FBXL4: variants seen among roughly 807,000 people sequenced by gnomAD.
FBXL4 encodes F-box/LRR-repeat protein 4.
In FBXL4, 40 loss-of-function variants were observed where a neutral mutation model predicts 58.9. The ratio of observed to expected loss-of-function variants is 0.68; its 90% CI spans 0.53 to 0.88. The LOEUF is 0.88. Among genes scored for constraint, FBXL4 ranks in the 40% least tolerant of loss-of-function variants. FBXL4 has a pLI of 0.00. For missense variants in FBXL4, 676 were observed against 734.4 expected (o/e 0.92, Z 0.92); for synonymous variants, 263 against 265.5 (o/e 0.99, Z 0.09).
intron 2 of FBXL4, among the ~76,000 whole-genome samples, chr6:98,934,058 A>G (rs926436346): frequency 2.6e-5 from 4 of 152,246 alleles, no homozygotes; most frequent in Non-Finnish European, 5.9e-5. Context: ...TTCTGTTAGT[A>G]CAAAAGCAGC....
At chr6:98,881,499 G>A (rs1320003904) in intron 7 of FBXL4, among the ~76,000 whole-genome samples, 1 of 151,874 alleles carries the variant, frequency 6.6e-6, no homozygotes, top group East Asian at 1.9e-4. Context: ...TACAACTTCT[G>A]TAAAAATCTG....
chr6:98,905,664 G>T lies in FBXL4; in HGVS notation c.865C>A (p.Gln289Lys). The T allele has an allele frequency of 1.2e-6, 2 of 1,613,294 alleles. No homozygotes were observed. Among genetic ancestry groups the T allele is most frequent in the South Asian group, 2.2e-5 (2 of 91,006 alleles). The stretch of plus-strand genomic sequence containing the variant: ...AGTGTAAGATGATTCAGAATCAGCT[G>T]AATAAGCTAAATAAGACAGAGAAAC... The part of the protein sequence containing the change: ...YFDKLPYELI[Q>K]LILNHLTLPD... The change falls in exon 6 of 10, where the codon CAG (glutamine) becomes AAG (lysine). Residue 289 changes from glutamine to lysine, a missense_variant. Gln to Lys is a moderately conservative substitution (Grantham distance 53). Coordinates refer to ENST00000369244, the MANE Select transcript of FBXL4 (RefSeq NM_001278716.2).
chr6:98,920,821 C>T (rs905928260), intron 4 of FBXL4, among the ~76,000 whole-genome samples: 2 of 82,150 alleles, frequency 2.4e-5, no homozygotes, highest in African/African-American at 1.4e-4. Flanking sequence ...CACACACATA[C>T]ACACACACAC....
chr6:98,914,720 T>A lies in FBXL4; in HGVS notation c.858+2654A>T, dbSNP rs535887972. ...AACCCACAGCCTATATCATACTGAATGCGCAAAAACTGGAAGCATTCCCTT... is the reference window on the plus strand; with the variant it reads ...AACCCACAGCCTATATCATACTGAAAGCGCAAAAACTGGAAGCATTCCCTT... On this transcript the variant is annotated intron_variant, in intron 5 of 9. Coordinates refer to ENST00000369244, the MANE Select transcript of FBXL4 (RefSeq NM_001278716.2). Among the ~76,000 whole-genome samples the A allele has an allele frequency of 7.9e-5, 12 of 152,304 alleles. No homozygotes were observed. In the South Asian group the frequency reaches 2.5e-3, roughly 32 times the overall value.
intron 8 of FBXL4, among the ~76,000 whole-genome samples, chr6:98,876,835 A>G (rs928665143): frequency 1.3e-5 from 2 of 152,204 alleles, no homozygotes; most frequent in African/African-American, 2.4e-5. Context: ...TGGAGGGCAG[A>G]GTCACGCAGT....
At chr6:98,895,995 G>T (rs1277014940) in intron 7 of FBXL4, among the ~76,000 whole-genome samples, 1 of 152,148 alleles carries the variant, frequency 6.6e-6, no homozygotes, top group East Asian at 1.9e-4. Context: ...GGAAAACAGG[G>T]TTAAAGTGGT....
chr6:98,876,632 A>G (rs1056306134), intron 8 of FBXL4, among the ~76,000 whole-genome samples: 5 of 152,228 alleles, frequency 3.3e-5, no homozygotes, highest in Middle Eastern at 3.2e-3. Flanking sequence ...CAGACTAATT[A>G]AGGAAAAAAT....
At chr6:98,900,827 T>C (rs1010781922) in intron 6 of FBXL4, among the ~76,000 whole-genome samples, 6 of 152,202 alleles carry the variant, frequency 3.9e-5, no homozygotes, top group Non-Finnish European at 8.8e-5. Flanking sequence ...ATTATTTGAT[T>C]TGTGACATTT....
In FBXL4 at chr6:98,926,545, G is replaced by A. The variant is rs1218401877; in HGVS notation, c.444C>T (p.Pro148=). ...AAGCGAGAATTCTAATGACTGCTCC[G>A]GGATGATAGGTTTCTAGAACATGTA... The part of the protein sequence containing the change: ...TAVHVLETYH[P]GAVIRILACS... The change falls in exon 4 of 10, where the codon CCC becomes CCT. Residue 148 remains proline (P), a synonymous_variant. Transcript: ENST00000369244. 22 of 1,613,964 alleles carry A rather than the reference G, an allele frequency of 1.4e-5. No homozygotes were observed. The highest frequency in any genetic ancestry group is 6.7e-5 in the East Asian group (3 of 44,886).
chr6:98,880,302 T>A (rs1770804939), intron 8 of FBXL4, among the ~76,000 whole-genome samples: 1 of 152,196 alleles, frequency 6.6e-6, no homozygotes, highest in South Asian at 2.1e-4. Flanking sequence ...ACATCTGGCT[T>A]GAGGCAGAAC....
intron 7 of FBXL4, among the ~76,000 whole-genome samples, chr6:98,885,206 C>T (rs1770994546): frequency 6.6e-6 from 1 of 152,112 alleles, no homozygotes; most frequent in African/African-American, 2.4e-5. Flanking sequence ...CTGGTTTAAG[C>T]GATTCTCCTG....
chr6:98,881,845 G>T (rs935766667), intron 7 of FBXL4, among the ~76,000 whole-genome samples: 6 of 151,382 alleles, frequency 4.0e-5, no homozygotes, highest in Admixed American at 4.0e-4. Context: ...CATTAGAAAG[G>T]GTATATTAAG....
chr6:98,875,745 C>T lies in FBXL4; in HGVS notation c.1390-18G>A. The T allele has an allele frequency of 1.2e-6, 2 of 1,610,464 alleles. No homozygotes were observed. Among genetic ancestry groups the T allele is most frequent in the Non-Finnish European group, 1.7e-6 (2 of 1,177,876 alleles). On this transcript the variant is annotated intron_variant, in intron 8 of 9. Transcript: ENST00000369244. ...TCTTCAATCTGGAAATCAAATAATT[C>T]CAATCTTTTACATGTTATGCTCAGA...
chr6:98,893,395 G>A (rs1488319178), intron 7 of FBXL4, among the ~76,000 whole-genome samples: 1 of 143,744 alleles, frequency 7.0e-6, no homozygotes, highest in Admixed American at 7.1e-5. Flanking sequence ...CTTGTAGCGG[G>A]TCATCTTCTT....
chr6:98,881,835 C>T (rs780079647), intron 7 of FBXL4, among the ~76,000 whole-genome samples: 93 of 151,994 alleles, frequency 6.1e-4, no homozygotes, highest in East Asian at 1.4e-3. Flanking sequence ...AGAATGTTAA[C>T]ATTAGAAAGG....
intron 1 of FBXL4, 101 bp from the exon 2 acceptor site, chr6:98,934,980 G>A (rs1466137720): frequency 6.6e-6 from 1 of 152,206 alleles, no homozygotes; most frequent in African/African-American, 2.4e-5. Context: ...AATCCAAAAA[G>A]TCTGGAATAC....
intron 5 of FBXL4, among the ~76,000 whole-genome samples, chr6:98,911,067 C>G (rs537022295): frequency 1.7e-4 from 26 of 152,244 alleles, no homozygotes; most frequent in East Asian, 5.8e-4. Flanking sequence ...CACGGAGTCT[C>G]GCTGATTGCT....
chr6:98,882,430 T>A (rs1418050841), intron 7 of FBXL4, among the ~76,000 whole-genome samples: 2 of 152,076 alleles, frequency 1.3e-5, no homozygotes. Flanking sequence ...TATTACGATG[T>A]GAATATACTT....
intron 5 of FBXL4, among the ~76,000 whole-genome samples, chr6:98,907,504 T>C (rs10456990): frequency 1.3e-5 from 2 of 151,940 alleles, no homozygotes; most frequent in African/African-American, 4.8e-5. Context: ...CAAGAGATTG[T>C]TATCTCTAAT....
Sources: allele counts gnomAD v4.1 joint callset (sites outside exome capture counted in the v4.1 genomes callset), GRCh38; gene constraint gnomAD v4.1.1; transcripts MANE v1.5; gene names NCBI Gene and HGNC (gene_info 2026-07-23, HGNC 2026-07-21).